The following CDH12 variants were observed in gnomAD, a reference collection of about 807,000 sequenced individuals.
The protein encoded by CDH12 is cadherin 12, also known as cadherin-12.
CDH12 carries 41 observed loss-of-function variants against 74.1 expected under a neutral mutation model. The observed-to-expected ratio is 0.55, with a 90% CI of 0.43 to 0.72. CDH12 has a LOEUF of 0.72. Among genes scored for constraint, CDH12 ranks in the 30% least tolerant of loss-of-function variants. The pLI, the probability that CDH12 is intolerant of heterozygous loss-of-function variation, is 0.00. For synonymous variants in CDH12, 399 were observed against 355.0 expected (o/e 1.12, Z -1.39); for missense variants, 945 against 977.2 (o/e 0.97, Z 0.44).
intron 13 of CDH12, among the ~76,000 whole-genome samples, chr5:21,756,162 A>G (rs1316137930): frequency 4.6e-5 from 7 of 152,120 alleles, no homozygotes; most frequent in African/African-American, 1.7e-4. Flanking sequence ...TAGTTTTGTA[A>G]ATAGTTTCAT....
intron 3 of CDH12, among the ~76,000 whole-genome samples, chr5:22,275,454 G>A (rs551558146): frequency 1.1e-4 from 16 of 152,078 alleles, no homozygotes; most frequent in Middle Eastern, 3.4e-3. Context: ...AAAATGAAAC[G>A]GGTGCTTTTC....
At chr5:22,749,743 T>C (rs1214255513) in intron 1 of CDH12, among the ~76,000 whole-genome samples, 1 of 152,188 alleles carries the variant, frequency 6.6e-6, no homozygotes, top group African/African-American at 2.4e-5. Context: ...TCTGATAGAA[T>C]TTGAAAATGG....
chr5:22,002,754 G>A (rs1354085188), intron 5 of CDH12, among the ~76,000 whole-genome samples: 1 of 151,864 alleles, frequency 6.6e-6, no homozygotes, highest in Admixed American at 6.6e-5. Context: ...ATGAAATAAA[G>A]TATTTCATTA....
rs553899657 is a variant in CDH12 at position 21,810,279 on chromosome 5, G to A, written c.1002+6666C>T. Among the ~76,000 whole-genome samples, 195 of 152,156 alleles carry A rather than the reference G, an allele frequency of 1.3e-3. 1 individual carries two copies. The Middle Eastern group carries it at 0.044, about 35-fold the overall frequency. On this transcript the variant is annotated intron_variant, in intron 9 of 14. Coordinates refer to ENST00000382254, the MANE Select transcript of CDH12 (RefSeq NM_004061.5). ...CCCATGAATAAAAAGATTAGTTGGAGGAAAATAACGTGTGAGGCTGGGAAA... is the reference window on the plus strand; with the variant it reads ...CCCATGAATAAAAAGATTAGTTGGAAGAAAATAACGTGTGAGGCTGGGAAA...
At chr5:22,629,818 A>G (rs982544052) in intron 1 of CDH12, among the ~76,000 whole-genome samples, 1 of 152,066 alleles carries the variant, frequency 6.6e-6, no homozygotes, top group Non-Finnish European at 1.5e-5. Context: ...AAGTCACACT[A>G]GCTGTGTCTG....
At chr5:22,804,605 T>C (rs1312168719) in intron 1 of CDH12, among the ~76,000 whole-genome samples, 2 of 152,176 alleles carry the variant, frequency 1.3e-5, no homozygotes, top group Non-Finnish European at 2.9e-5. Context: ...GGGAAACCCA[T>C]TTTTGCTCTT....
chr5:22,555,961 A>G (rs181471918), intron 1 of CDH12, among the ~76,000 whole-genome samples: 1 of 152,156 alleles, frequency 6.6e-6, no homozygotes, highest in East Asian at 1.9e-4. Context: ...AACAATTGCT[A>G]TAGGTCAAAT....
chr5:22,244,454 C>T (rs905779341), intron 3 of CDH12, among the ~76,000 whole-genome samples: 1 of 119,352 alleles, frequency 8.4e-6, no homozygotes, highest in African/African-American at 3.3e-5. Flanking sequence ...AGGATTGCAC[C>T]ACTTCACTCC....
chr5:22,226,130 A>G (rs756107805), intron 3 of CDH12, among the ~76,000 whole-genome samples: 39 of 151,650 alleles, frequency 2.6e-4, no homozygotes, highest in Non-Finnish European at 3.7e-4. Flanking sequence ...AACTGAGTAG[A>G]GCAGCATGAA....
chr5:21,980,397 T>C (rs1757259377), intron 5 of CDH12, among the ~76,000 whole-genome samples: 1 of 152,010 alleles, frequency 6.6e-6, no homozygotes. Flanking sequence ...GGGTAAAAAA[T>C]AAAAAAGTTA....
chr5:22,553,735 G>A (rs1252898857), intron 1 of CDH12, among the ~76,000 whole-genome samples: 2 of 152,024 alleles, frequency 1.3e-5, no homozygotes, highest in Non-Finnish European at 2.9e-5. Context: ...CAAGTTTTTT[G>A]ACACCAGGGA....
At chr5:22,340,948 C>T (rs1302103499) in intron 3 of CDH12, among the ~76,000 whole-genome samples, 1 of 152,128 alleles carries the variant, frequency 6.6e-6, no homozygotes. Context: ...CATCTGTTAT[C>T]TTTGTAATAT....
intron 2 of CDH12, among the ~76,000 whole-genome samples, chr5:22,429,621 T>C (rs765443269): frequency 2.6e-5 from 4 of 152,232 alleles, no homozygotes; most frequent in Non-Finnish European, 5.9e-5. Flanking sequence ...CATAGTGTTG[T>C]ATTATCACTT....
intron 5 of CDH12, among the ~76,000 whole-genome samples, chr5:22,012,580 C>T (rs1307995258): frequency 6.6e-6 from 1 of 152,024 alleles, no homozygotes; most frequent in East Asian, 1.9e-4. Flanking sequence ...ATGTGTTATT[C>T]TATGGAGAAT....
chr5:22,290,995 C>A (rs1039686527), intron 3 of CDH12, among the ~76,000 whole-genome samples: 1 of 152,042 alleles, frequency 6.6e-6, no homozygotes, highest in Non-Finnish European at 1.5e-5. Context: ...ACAAATTGAA[C>A]AGTATATTTT....
intron 8 of CDH12, among the ~76,000 whole-genome samples, chr5:21,818,205 A>C (rs144348916): frequency 0.013 from 1,936 of 152,136 alleles, 43 homozygotes; most frequent in African/African-American, 0.044. Context: ...TACCGGATTT[A>C]GAATGGCTCT....
intron 1 of CDH12, among the ~76,000 whole-genome samples, chr5:22,757,715 CT>C (rs1745999909): frequency 6.6e-6 from 1 of 152,074 alleles, no homozygotes; most frequent in Non-Finnish European, 1.5e-5. Context: ...TCTGATAATC[CT>C]TAGTGACCTT....
intron 9 of CDH12, among the ~76,000 whole-genome samples, chr5:21,812,777 T>A: frequency 6.6e-6 from 1 of 152,160 alleles, no homozygotes. Context: ...AAAAATGTCC[T>A]CCTGAGTTAT....
At chr5:22,067,903 G>A (rs372427858) in intron 5 of CDH12, among the ~76,000 whole-genome samples, 86 of 152,082 alleles carry the variant, frequency 5.7e-4, no homozygotes, top group African/African-American at 1.8e-3. Context: ...GCTTGAACCC[G>A]GGAGGCAGAG....
Sources: allele counts gnomAD v4.1 joint callset (sites outside exome capture counted in the v4.1 genomes callset), GRCh38; gene constraint gnomAD v4.1.1; transcripts MANE v1.5; gene names NCBI Gene and HGNC (gene_info 2026-07-23, HGNC 2026-07-21).